KSR2: variants seen among roughly 807,000 people sequenced by gnomAD.
The protein encoded by KSR2 is kinase suppressor of ras 2.
A neutral mutation model predicts 107.8 loss-of-function variants in KSR2; 25 were observed. The ratio of observed to expected loss-of-function variants is 0.23; its 90% confidence interval spans 0.17 to 0.32. The LOEUF (loss-of-function observed/expected upper bound fraction) is 0.32, where lower values mean the gene tolerates loss of function less well. KSR2 is among the 10% of genes least tolerant of loss of function. The pLI is 1.00. For missense variants in KSR2, 887 were observed against 1,268.9 expected (o/e 0.70, Z 4.57); for synonymous variants, 480 against 507.0 (o/e 0.95, Z 0.71).
chr12:117,882,910 C>T (rs1470103631), intron 1 of KSR2, among the ~76,000 whole-genome samples: 1 of 152,116 alleles, frequency 6.6e-6, no homozygotes, highest in Admixed American at 6.6e-5. Flanking sequence ...TCCATTCATC[C>T]ATCCAACCAT....
At chr12:117,745,129 G>A (rs1284030004) in intron 4 of KSR2, among the ~76,000 whole-genome samples, 1 of 152,050 alleles carries the variant, frequency 6.6e-6, no homozygotes, top group African/African-American at 2.4e-5. Flanking sequence ...AGGCCACCTG[G>A]TTCCAGAGCC....
chr12:117,805,802 C>T (rs1890989195), intron 3 of KSR2, among the ~76,000 whole-genome samples: 1 of 152,006 alleles, frequency 6.6e-6, no homozygotes, highest in Non-Finnish European at 1.5e-5. Flanking sequence ...GCCAACATGG[C>T]GAAACCCCAT....
At chr12:117,621,552 T>C (rs1203885926) in intron 5 of KSR2, among the ~76,000 whole-genome samples, 1 of 152,122 alleles carries the variant, frequency 6.6e-6, no homozygotes, top group Non-Finnish European at 1.5e-5. Context: ...ATTTAAATGA[T>C]ATAGGCATGA....
chr12:117,921,449 C>A (rs1375897304), intron 1 of KSR2, among the ~76,000 whole-genome samples: 1 of 151,992 alleles, frequency 6.6e-6, no homozygotes, highest in African/African-American at 2.4e-5. Context: ...GAGATGGGGT[C>A]TTGCTACATT....
At chr12:117,723,099 T>C (rs559141371) in intron 4 of KSR2, among the ~76,000 whole-genome samples, 1 of 152,208 alleles carries the variant, frequency 6.6e-6, no homozygotes, top group East Asian at 1.9e-4. Flanking sequence ...GTTATCAGGA[T>C]GACCCTGAAG....
At chr12:117,650,938 G>A (rs920310205) in intron 5 of KSR2, among the ~76,000 whole-genome samples, 29 of 152,196 alleles carry the variant, frequency 1.9e-4, no homozygotes, top group African/African-American at 6.8e-4. Context: ...CTCTTACCAT[G>A]TGAGTGGCTG....
chr12:117,916,428 C>A (rs1286148681), intron 1 of KSR2, among the ~76,000 whole-genome samples: 1 of 152,194 alleles, frequency 6.6e-6, no homozygotes, highest in Non-Finnish European at 1.5e-5. Flanking sequence ...TGAGCCACCC[C>A]ACCCAGCCAA....
Position 117,683,782 on chromosome 12 carries a change from A to G in KSR2, c.987-16124T>C, listed in dbSNP as rs114305979. ...TAAAGAAAGGGAGAGGAAAGGAAAGATGTCCTGATGCAGAGGTTGCCAAAT... is the reference window on the plus strand; with the variant it reads ...TAAAGAAAGGGAGAGGAAAGGAAAGGTGTCCTGATGCAGAGGTTGCCAAAT... On this transcript the variant is annotated intron_variant, in intron 4 of 19. Transcript: ENST00000339824. Among the ~76,000 whole-genome samples the G allele has an allele frequency of 1.2e-3, 181 of 152,360 alleles. 1 individual carries two copies. Among genetic ancestry groups the G allele is most frequent in the African/African-American group, 4.2e-3 (176 of 41,590 alleles).
intron 3 of KSR2, among the ~76,000 whole-genome samples, chr12:117,822,050 G>A (rs1891581597): frequency 6.6e-6 from 1 of 152,146 alleles, no homozygotes; most frequent in Non-Finnish European, 1.5e-5. Context: ...AGCAATGAGA[G>A]TGACCTCTGG....
intron 4 of KSR2, among the ~76,000 whole-genome samples, chr12:117,673,482 G>A (rs1484701137): frequency 1.3e-5 from 2 of 152,140 alleles, no homozygotes; most frequent in Non-Finnish European, 2.9e-5. Context: ...ATGGAAAAGG[G>A]AAGAATGGTG....
rs538018917 is a variant in KSR2, at chr12:117,866,038, C to CTTTATTTT, written c.181-5608_181-5607insAAAATAAA. On this transcript the variant is annotated intron_variant, in intron 1 of 19. Transcript: ENST00000339824. ...CTCTGTAACACTTGCTAATCTCTCT[C>CTTTATTTT]TTTTTTTTTTTTTTTTGAAACAAAT... Among the ~76,000 whole-genome samples, 538 of 124,214 alleles carry CTTTATTTT rather than the reference C, an allele frequency of 4.3e-3. 9 individuals carry two copies. Among genetic ancestry groups the CTTTATTTT allele is most frequent in the African/African-American group, 0.015 (512 of 33,634 alleles). 81.5% of individuals were successfully genotyped at this position (124,214 alleles called of 152,430 possible). A position where few individuals can be genotyped will look rare whatever the true frequency, so the allele number is the denominator to read the frequency against.
chr12:117,550,482 C>A (rs1205659669), intron 9 of KSR2, among the ~76,000 whole-genome samples: 1 of 152,186 alleles, frequency 6.6e-6, no homozygotes, highest in Non-Finnish European at 1.5e-5. Context: ...TTATGACCTC[C>A]ATAGCCCACT....
At chr12:117,555,315 T>C (rs750848193) in intron 8 of KSR2, 22 bp from the exon 9 acceptor site, 10 of 1,612,920 alleles carry the variant, frequency 6.2e-6, no homozygotes, top group African/African-American at 1.3e-5. Context: ...AAAACATTGA[T>C]TTGGGAGTTT....
chr12:117,677,332 G>A (rs1418910012), intron 4 of KSR2: 5 of 152,036 alleles, frequency 3.3e-5, no homozygotes, highest in Non-Finnish European at 7.4e-5. Flanking sequence ...ACATCATAAG[G>A]GAGAGCCCCA....
chr12:117,491,240 C>T (rs1445579449), intron 14 of KSR2, among the ~76,000 whole-genome samples: 6 of 152,098 alleles, frequency 3.9e-5, no homozygotes, highest in African/African-American at 1.4e-4. Flanking sequence ...AGTGCAGTGG[C>T]GCCATCTCAG....
chr12:117,646,381 C>A (rs1156328999), intron 5 of KSR2, among the ~76,000 whole-genome samples: 1 of 152,146 alleles, frequency 6.6e-6, no homozygotes, highest in Non-Finnish European at 1.5e-5. Context: ...CTCGTGGCAG[C>A]TCTGCGAGGC....
chr12:117,885,127 C>T (rs57088424), intron 1 of KSR2, among the ~76,000 whole-genome samples: 1,640 of 152,262 alleles, frequency 0.011, 26 homozygotes, highest in African/African-American at 0.038. Context: ...TGATGAAGCT[C>T]TGAGAGGCTT....
intron 4 of KSR2, among the ~76,000 whole-genome samples, chr12:117,720,493 A>G (rs533983359): frequency 6.6e-5 from 10 of 152,334 alleles, no homozygotes; most frequent in African/African-American, 2.4e-4. Context: ...AATTGTTTAA[A>G]GTAACACGAG....
intron 3 of KSR2, among the ~76,000 whole-genome samples, chr12:117,854,241 A>T (rs1893021373): frequency 6.6e-6 from 1 of 152,162 alleles, no homozygotes; most frequent in Non-Finnish European, 1.5e-5. Flanking sequence ...TCCTGAGCAC[A>T]AGAGATCCTC....
Sources: gnomAD v4.1 joint callset for allele counts (sites outside exome capture counted in the v4.1 genomes callset) on GRCh38, gnomAD v4.1.1 for gene constraint, MANE v1.5 for transcripts, NCBI Gene and HGNC (gene_info 2026-07-23, HGNC 2026-07-21) for gene names.